TMBIM1: variants seen among roughly 807,000 people sequenced by gnomAD.
The protein encoded by TMBIM1 is protein lifeguard 3.
In TMBIM1, 34 loss-of-function variants were observed where a neutral mutation model predicts 45.1. That is an observed-to-expected ratio of 0.75 (90% CI 0.57 to 1.00). TMBIM1 has a LOEUF of 1.00. TMBIM1 is among the 50% of genes least tolerant of loss of function. The pLI is 0.00. For missense variants in TMBIM1, 374 were observed against 402.4 expected (o/e 0.93, Z 0.60); for synonymous variants, 157 against 153.5 (o/e 1.02, Z -0.17).
intron 3 of TMBIM1, 69 bp downstream of exon 3, chr2:218,279,957 G>T: frequency 8.7e-7 from 1 of 1,153,820 alleles, no homozygotes. Flanking sequence ...GGCTACTGTG[G>T]CCTACCCACT....
intron 8 of TMBIM1, 76 bp from the exon 9 acceptor site, chr2:218,277,529 G>A: frequency 6.2e-7 from 1 of 1,606,370 alleles, no homozygotes; most frequent in Non-Finnish European, 8.5e-7. Flanking sequence ...ACTTCCAGAG[G>A]GGACCTGCCC....
chr2:218,280,369 C>A, intron 2 of TMBIM1: 1 of 447,440 alleles, frequency 2.2e-6, no homozygotes. Context: ...CCTGTGTGCC[C>A]AGCCCACGCC....
In TMBIM1 at chr2:218,281,985, A is replaced by G. The variant is rs772756751; in HGVS notation, c.157T>C (p.Tyr53His). The G allele has an allele frequency of 3.7e-6, 6 of 1,606,628 alleles. No individual in the cohort carries two copies. The South Asian group carries it at 5.6e-5, about 15-fold the overall frequency. ...PQPGYGHPAG[Y>H]PQPMPPTHPM... ...TGGGTGGGGGGCATGGGCTGTGGGT[A>G]GCCAGCAGGGTGACCGTAGCCAGGC... is the stretch of plus-strand genomic sequence containing the variant. The change falls in exon 2 of 12, where the codon TAC (tyrosine) becomes CAC (histidine). Residue 53 changes from tyrosine to histidine, a missense_variant. Tyr to His is a moderately conservative substitution (Grantham distance 83, BLOSUM62 2). Coordinates refer to ENST00000258412, the MANE Select transcript of TMBIM1 (RefSeq NM_022152.6).
At position 218,277,928 on chromosome 2, in the gene TMBIM1, G is replaced by A. The variant is rs770539994; in HGVS notation, c.513+7C>T. On this transcript the variant is annotated splice_region_variant and intron_variant, in intron 7 of 11. Transcript: ENST00000258412. ...TCCACACCCTCCTGCCACCCTTCTAGACTTACAAAAAGGGTCAGCAGAATG... is the reference window on the plus strand; with the variant it reads ...TCCACACCCTCCTGCCACCCTTCTAAACTTACAAAAAGGGTCAGCAGAATG... 2 of 1,614,140 alleles carry A rather than the reference G, an allele frequency of 1.2e-6. No homozygotes were observed. Among genetic ancestry groups the A allele is most frequent in the Non-Finnish European group, 1.7e-6 (2 of 1,180,004 alleles).
rs376682641 is a variant in TMBIM1, at chr2:218,279,016, C to G, written c.422+22G>C. The G allele has an allele frequency of 4.2e-4, 679 of 1,613,956 alleles. 6 individuals are homozygous for G. The South Asian group carries it at 7.0e-3, about 17-fold the overall frequency. ...CTGCCACCCCTGCCTCCCTGCCCAA[C>G]CACAGAGGAGCACACACTCACTAGG... is the stretch of plus-strand genomic sequence containing the variant. On this transcript the variant is annotated intron_variant, in intron 5 of 11. Transcript: ENST00000258412.
intron 10 of TMBIM1, 103 bp from the exon 11 acceptor site, chr2:218,276,182 T>C (rs1241937339): frequency 4.7e-6 from 6 of 1,284,910 alleles, no homozygotes; most frequent in Non-Finnish European, 6.6e-6. Flanking sequence ...TGGGTAGAGC[T>C]GGGAAGCTAG....
intron 1 of TMBIM1, among the ~76,000 whole-genome samples, chr2:218,291,115 G>A (rs767616118): frequency 1.3e-4 from 20 of 152,140 alleles, no homozygotes; most frequent in Non-Finnish European, 5.9e-5. Flanking sequence ...AGCCCAGGTG[G>A]CTATTACCCC....
At chr2:218,286,024 G>A in intron 1 of TMBIM1, 1 of 154,996 alleles carries the variant, frequency 6.5e-6, no homozygotes, top group Middle Eastern at 5.3e-4. Flanking sequence ...TGGAGGGTAA[G>A]GGAAGGAGGG....
At chr2:218,279,417 C>T in intron 3 of TMBIM1, 64 bp from the exon 4 acceptor site, 2 of 1,454,742 alleles carry the variant, frequency 1.4e-6, no homozygotes, top group South Asian at 2.8e-5. Context: ...AGGAAGCTGC[C>T]AGCCCCCAGT....
Position 218,280,266 on chromosome 2 carries a change from G to A in TMBIM1, c.203-140C>T, listed in dbSNP as rs2106204582. The A allele has an allele frequency of 7.5e-6, 5 of 662,850 alleles. No homozygotes were observed. The South Asian group carries it at 8.9e-5, about 12-fold the overall frequency. 41.1% of individuals were successfully genotyped at this position (662,850 alleles called of 1,614,324 possible). A position where few individuals can be genotyped will look rare whatever the true frequency, so the allele number is the denominator to read the frequency against. On this transcript the variant is annotated intron_variant, in intron 2 of 11. Transcript: ENST00000258412. The stretch of plus-strand genomic sequence containing the variant: ...TAACAGGAACTCTTCTCCCAAGCTG[G>A]GGTCTTCTAGACACCCTCAGAGTGA...
chr2:218,290,205 T>G (rs1692843508), intron 1 of TMBIM1: 1 of 152,260 alleles, frequency 6.6e-6, no homozygotes, highest in African/African-American at 2.4e-5. Flanking sequence ...ACCCCCTTCT[T>G]GGAAATTCAC....
At chr2:218,277,135 G>C in intron 9 of TMBIM1, 36 bp from the exon 10 acceptor site, 1 of 1,580,534 alleles carries the variant, frequency 6.3e-7, no homozygotes, top group South Asian at 1.1e-5. Context: ...CTGTCAGATG[G>C]CTGTGACAAC....
At chr2:218,288,504 A>G (rs2106235358) in intron 1 of TMBIM1, among the ~76,000 whole-genome samples, 1 of 152,366 alleles carries the variant, frequency 6.6e-6, no homozygotes, top group East Asian at 1.9e-4. Context: ...AGTACTTACT[A>G]TATAACTAAG....
Position 218,276,030 on chromosome 2 carries a change from G to T in TMBIM1, c.785C>A (p.Thr262Asn), listed in dbSNP as rs201500641. Reference sequence around the variant, plus strand: ...TAGAGTGGGGCTGGGACTTACCAGGGTGAAACAAATGGCCCCCAGAGCAGC... The same window carrying T: ...TAGAGTGGGGCTGGGACTTACCAGGTTGAAACAAATGGCCCCCAGAGCAGC... ...LYAALGAICF[T>N]LFLAYDTQLV... The change falls in exon 11 of 12, where the codon ACC becomes AAC. Residue 262 changes from threonine (T) to asparagine (N), a missense_variant. Coordinates refer to ENST00000258412, the MANE Select transcript of TMBIM1 (RefSeq NM_022152.6). 6.2e-7 allele frequency: 1 copy of T among 1,612,258 alleles called. No individual in the cohort carries two copies. Among genetic ancestry groups the T allele is most frequent in the Admixed American group, 1.7e-5 (1 of 59,756 alleles).
chr2:218,279,128 G>A (rs896368206), intron 4 of TMBIM1, 37 bp from the exon 5 acceptor site: 11 of 1,613,310 alleles, frequency 6.8e-6, no homozygotes, highest in African/African-American at 1.3e-5. Context: ...GTCACCCTGA[G>A]GCTTGTCTGC....
At chr2:218,278,022 C>T (rs373812380) in intron 6 of TMBIM1, 48 bp from the exon 7 acceptor site, 136 of 1,606,656 alleles carry the variant, frequency 8.5e-5, no homozygotes, top group Middle Eastern at 1.7e-4. Context: ...GCCCCTCAGG[C>T]GTCAGAGGCT....
rs1262201556 is a variant in TMBIM1, at chr2:218,278,628, C to T, written c.423-63G>A. 1.9e-6 allele frequency: 3 copies of T among 1,580,700 alleles called. No homozygotes were observed. In the East Asian group the frequency reaches 6.7e-5, roughly 35 times the overall value. On this transcript the variant is annotated intron_variant, in intron 5 of 11. Coordinates refer to ENST00000258412, the MANE Select transcript of TMBIM1 (RefSeq NM_022152.6). ...ATCTGCCCCGCTTGGCAGCACACAC[C>T]AGGCCAGTGATTTGGGGCCCAAATA...
At chr2:218,282,351 C>A (rs1292813366) in intron 1 of TMBIM1, 170 bp from the exon 2 acceptor site, 2 of 487,320 alleles carry the variant, frequency 4.1e-6, no homozygotes, top group South Asian at 7.1e-5. Flanking sequence ...TCCCCACCAA[C>A]TGGGCTCCTG....
At chr2:218,282,504 C>G (rs1194761352) in intron 1 of TMBIM1, among the ~76,000 whole-genome samples, 2 of 152,214 alleles carry the variant, frequency 1.3e-5, no homozygotes, top group African/African-American at 4.8e-5. Flanking sequence ...TTAAGAAAAC[C>G]TTCCAGTTTT....
Sources: allele counts gnomAD v4.1 joint callset (sites outside exome capture counted in the v4.1 genomes callset), GRCh38; gene constraint gnomAD v4.1.1; transcripts MANE v1.5; gene names NCBI Gene and HGNC (gene_info 2026-07-23, HGNC 2026-07-21).